The following TMEM233 variants were observed in gnomAD, a reference collection of about 807,000 sequenced individuals.
TMEM233 encodes the protein dispanin subfamily B member 2.
In TMEM233, 6 loss-of-function variants were observed where a neutral mutation model predicts 11.2. The observed-to-expected ratio is 0.54, with a 90% CI of 0.29 to 1.06. The LOEUF (loss-of-function observed/expected upper bound fraction) is 1.06. Ranked by LOEUF, TMEM233 falls within the 50% of genes least tolerant of loss-of-function variation. The pLI is 0.08. For missense variants in TMEM233, 127 were observed against 144.7 expected (o/e 0.88, Z 0.63); for synonymous variants, 59 against 55.8 (o/e 1.06, Z -0.26).
chr12:119,625,665 A>G (rs1954740323), intron 1 of TMEM233, among the ~76,000 whole-genome samples: 1 of 152,240 alleles, frequency 6.6e-6, no homozygotes, highest in African/African-American at 2.4e-5. Context: ...GGCCTCAAAT[A>G]TAAGTGAGCA....
At chr12:119,646,181 C>T (rs1271597703), downstream of TMEM233, among the ~76,000 whole-genome samples, 1 of 152,076 alleles carries the variant, frequency 6.6e-6, no homozygotes, top group East Asian at 1.9e-4. Flanking sequence ...CCTCAGCCTC[C>T]CGAGTAGCTG....
chr12:119,606,776 G>A (rs551619630), intron 1 of TMEM233, among the ~76,000 whole-genome samples: 1 of 152,298 alleles, frequency 6.6e-6, no homozygotes, highest in African/African-American at 2.4e-5. Context: ...TAAACATAAA[G>A]CATGGTGCCT....
At chr12:119,597,084 A>G (rs1010810311) in intron 1 of TMEM233, among the ~76,000 whole-genome samples, 3 of 152,222 alleles carry the variant, frequency 2.0e-5, no homozygotes, top group Non-Finnish European at 4.4e-5. Flanking sequence ...GGACTTGATC[A>G]GTTTCATCAC....
rs1238879692 is a variant in TMEM233, at chr12:119,629,832, CTCA to C, written c.289_291del (p.Ile97del). ...CATCGCCTCCATCATCATTGGCCTT[CTCA>C]TCATCGGCATTTCTTGTGCAGTTCA... On this transcript the variant is annotated inframe_deletion, in exon 2 of 3. Transcript: ENST00000426426. 6.4e-7 allele frequency: 1 copy of C among 1,551,532 alleles called. No homozygotes were observed. Among genetic ancestry groups the C allele is most frequent in the Non-Finnish European group, 8.7e-7 (1 of 1,146,988 alleles).
At chr12:119,634,702 C>A (rs1198165267) in intron 2 of TMEM233, among the ~76,000 whole-genome samples, 4 of 152,148 alleles carry the variant, frequency 2.6e-5, no homozygotes, top group East Asian at 3.8e-4. Context: ...AAAAATCATT[C>A]TTTATCCTTA....
In TMEM233 at chr12:119,633,095, C is replaced by A. The variant is rs550979766; in HGVS notation, c.323+3223C>A. ...CTTTGATCCTTCTTCCTAAAAGGCA[C>A]TGTTCACAAAGGTTAGAGCCTATGA... is the stretch of plus-strand genomic sequence containing the variant. On this transcript the variant is annotated intron_variant, in intron 2 of 2. Transcript: ENST00000426426. 3.3e-5 allele frequency among the ~76,000 whole-genome samples: 5 copies of A among 152,276 alleles called. No individual in the cohort carries two copies. In the South Asian group the frequency reaches 1.0e-3, roughly 32 times the overall value.
chr12:119,617,549 C>T (rs994423181), intron 1 of TMEM233, among the ~76,000 whole-genome samples: 2 of 151,938 alleles, frequency 1.3e-5, no homozygotes, highest in African/African-American at 4.8e-5. Flanking sequence ...AAAAGAAAAC[C>T]CCAGCCGGGC....
intron 2 of TMEM233, among the ~76,000 whole-genome samples, chr12:119,636,726 G>T (rs973192766): frequency 1.7e-4 from 26 of 152,196 alleles, no homozygotes; most frequent in African/African-American, 6.3e-4. Flanking sequence ...CAACATTTGG[G>T]TATGAGACAA....
At chr12:119,597,468 G>C (rs1201869132) in intron 1 of TMEM233, among the ~76,000 whole-genome samples, 1 of 114,988 alleles carries the variant, frequency 8.7e-6, no homozygotes, top group African/African-American at 2.7e-5. Context: ...TTCCAGAATG[G>C]TAAAAAAAAA....
At chr12:119,603,414 G>A (rs1432453710) in intron 1 of TMEM233, among the ~76,000 whole-genome samples, 2 of 152,228 alleles carry the variant, frequency 1.3e-5, no homozygotes, top group Admixed American at 6.5e-5. Flanking sequence ...TTGAGGTAGA[G>A]CTTGTCATTA....
rs796601899 is a variant in TMEM233, at chr12:119,594,205, C to G, written c.186+171C>G. The G allele has an allele frequency of 1.8e-4, 116 of 651,622 alleles. No homozygotes were observed. The African/African-American group carries it at 1.8e-3, about 10-fold the overall frequency. The allele number at this position is 651,622 out of a possible 1,614,324, so 40.4% of individuals were successfully genotyped here. A position where few individuals can be genotyped will look rare whatever the true frequency, so the allele number is the denominator to read the frequency against. On this transcript the variant is annotated intron_variant, in intron 1 of 2. Transcript: ENST00000426426. This position sits in a 1 kb window ranked among gnomAD's most constrained non-coding sequence, Gnocchi z 5.6. Reference sequence around the variant, plus strand: ...ACCTTTCTCGGGCTCTCAGAGCTCTCCCCGCAATCATCAGCACCTCCTCTG... The same window carrying G: ...ACCTTTCTCGGGCTCTCAGAGCTCTGCCCGCAATCATCAGCACCTCCTCTG...
intron 1 of TMEM233, among the ~76,000 whole-genome samples, chr12:119,601,567 A>G (rs1253342730): frequency 6.6e-6 from 1 of 151,218 alleles, no homozygotes; most frequent in Non-Finnish European, 1.5e-5. Context: ...CTAAGGCAGG[A>G]GAATGGCGTG....
chr12:119,640,783 G>T lies in TMEM233; in HGVS notation c.*78G>T. 2.7e-6 allele frequency: 4 copies of T among 1,503,166 alleles called. No homozygotes were observed. The highest frequency in any genetic ancestry group is 3.6e-6 in the Non-Finnish European group (4 of 1,106,306). 93.1% of individuals were successfully genotyped at this position (1,503,166 alleles called of 1,614,324 possible). On this transcript the variant is annotated 3_prime_UTR_variant, in exon 3 of 3. Transcript: ENST00000426426. The stretch of plus-strand genomic sequence containing the variant: ...CACCCCAAAGGAGTTTCTAAGGAAT[G>T]GATCCTTGACTTCAGACTGTGAGAT...
At chr12:119,617,337 C>G (rs2136726477) in intron 1 of TMEM233, among the ~76,000 whole-genome samples, 1 of 152,188 alleles carries the variant, frequency 6.6e-6, no homozygotes, top group African/African-American at 2.4e-5. Context: ...AGATGAGGGA[C>G]TTTTTGGGAA....
chr12:119,649,632 C>A, the TMEM233 span, among the ~76,000 whole-genome samples: 1 of 151,954 alleles, frequency 6.6e-6, no homozygotes, highest in African/African-American at 2.4e-5. Flanking sequence ...TTTGGCTGAT[C>A]TCTGATGGTA....
chr12:119,651,319 A>T, the TMEM233 span, among the ~76,000 whole-genome samples: 1 of 152,204 alleles, frequency 6.6e-6, no homozygotes, highest in Non-Finnish European at 1.5e-5. Flanking sequence ...GTAGCTCTTC[A>T]GGCTACAAAC....
At chr12:119,612,775 C>G (rs1954428906) in intron 1 of TMEM233, among the ~76,000 whole-genome samples, 1 of 149,380 alleles carries the variant, frequency 6.7e-6, no homozygotes, top group African/African-American at 2.5e-5. Flanking sequence ...AAAAAATTAG[C>G]CAGGCGTGGT....
At position 119,623,337 on chromosome 12, in the gene TMEM233, A is replaced by G. The variant is rs190275118; in HGVS notation, c.187-6399A>G. Among the ~76,000 whole-genome samples the G allele has an allele frequency of 1.4e-3, 209 of 152,296 alleles. 1 individual carries two copies. The highest frequency in any genetic ancestry group is 0.012 in the Admixed American group (183 of 15,298). ...AGAACTGTGTTTTCCAAGGCAGCACAATAGGTCGGTTTGGGAAGGTCTGAA... is the reference window on the plus strand; with the variant it reads ...AGAACTGTGTTTTCCAAGGCAGCACGATAGGTCGGTTTGGGAAGGTCTGAA... On this transcript the variant is annotated intron_variant, in intron 1 of 2. Transcript: ENST00000426426.
intron 1 of TMEM233, among the ~76,000 whole-genome samples, chr12:119,605,501 C>T (rs1840418229): frequency 6.8e-6 from 1 of 146,470 alleles, no homozygotes; most frequent in Non-Finnish European, 1.5e-5. Flanking sequence ...AACCACAGGT[C>T]ACTGCAGCCT....
Sources: allele counts gnomAD v4.1 joint callset (sites outside exome capture counted in the v4.1 genomes callset), GRCh38; gene constraint gnomAD v4.1.1; non-coding constraint Gnocchi (gnomAD v3.1); transcripts MANE v1.5; gene names NCBI Gene and HGNC (gene_info 2026-07-23, HGNC 2026-07-21).